The following PARD3B variants were observed in gnomAD, a reference collection of about 807,000 sequenced individuals.
PARD3B encodes par-3 family cell polarity regulator beta.
In PARD3B, 103 loss-of-function variants were observed where a neutral mutation model predicts 130.2. The ratio of observed to expected loss-of-function variants is 0.79; its 90% CI spans 0.67 to 0.93. The LOEUF is 0.93. PARD3B is among the 40% of genes least tolerant of loss of function. The pLI is 0.00. For missense variants in PARD3B, 1,609 were observed against 1,499.2 expected, an observed-to-expected ratio of 1.07 and a Z score of -1.21; for synonymous variants, 583 against 553.2, an observed-to-expected ratio of 1.05 and a Z score of -0.76.
chr2:205,113,621 C>G, intron 6 of PARD3B, 44 bp downstream of exon 6: 1 of 1,177,124 alleles, frequency 8.5e-7, no homozygotes, highest in Non-Finnish European at 1.2e-6. Context: ...TAATGAAAAC[C>G]CTGATTTGAG....
At chr2:205,189,940 G>A (rs550216472) in intron 14 of PARD3B, among the ~76,000 whole-genome samples, 2 of 152,294 alleles carry the variant, frequency 1.3e-5, no homozygotes, top group South Asian at 4.1e-4. Context: ...ACATATATGT[G>A]TATGTATATA....
At chr2:204,875,165 A>G (rs1393341083) in intron 2 of PARD3B, among the ~76,000 whole-genome samples, 1 of 152,196 alleles carries the variant, frequency 6.6e-6, no homozygotes, top group Non-Finnish European at 1.5e-5. Context: ...TTTCTGGTAT[A>G]TTTACAGAGT....
chr2:205,117,515 C>G (rs1016753903), intron 6 of PARD3B, among the ~76,000 whole-genome samples: 42 of 152,322 alleles, frequency 2.8e-4, no homozygotes, highest in African/African-American at 9.6e-4. Flanking sequence ...CCACTCCAAA[C>G]AGGAGGACTA....
chr2:205,185,274 G>T (rs933353692), intron 13 of PARD3B, among the ~76,000 whole-genome samples: 3 of 152,050 alleles, frequency 2.0e-5, no homozygotes, highest in Admixed American at 6.5e-5. Flanking sequence ...GTGTGTGTGT[G>T]TGTGTGTGTT....
At chr2:205,600,565 C>T (rs897739371) in intron 22 of PARD3B, among the ~76,000 whole-genome samples, 1 of 152,162 alleles carries the variant, frequency 6.6e-6, no homozygotes, top group Non-Finnish European at 1.5e-5. Flanking sequence ...CACAGGTAAA[C>T]GTGTGCTATG....
At chr2:205,464,685 G>A (rs2048562894) in intron 20 of PARD3B, among the ~76,000 whole-genome samples, 1 of 152,144 alleles carries the variant, frequency 6.6e-6, no homozygotes, top group African/African-American at 2.4e-5. Flanking sequence ...AAATATGGTA[G>A]TTCATTCAGT....
At chr2:205,308,873 C>T (rs913986974) in intron 18 of PARD3B, among the ~76,000 whole-genome samples, 9 of 152,088 alleles carry the variant, frequency 5.9e-5, no homozygotes, top group Non-Finnish European at 1.3e-4. Flanking sequence ...ATAATTGATA[C>T]GATTCCAAAT....
At chr2:205,170,768 G>C (rs531685306) in intron 11 of PARD3B, among the ~76,000 whole-genome samples, 1 of 150,998 alleles carries the variant, frequency 6.6e-6, no homozygotes, top group Admixed American at 6.6e-5. Flanking sequence ...GTGTGTGTCT[G>C]GCTATCTCAT....
At chr2:204,599,220 A>C (rs2033414865) in intron 1 of PARD3B, among the ~76,000 whole-genome samples, 1 of 152,026 alleles carries the variant, frequency 6.6e-6, no homozygotes, top group South Asian at 2.1e-4. Context: ...TTTTCTAGCT[A>C]TTTGAAAATA....
At chr2:204,819,960 A>G (rs551113279) in intron 2 of PARD3B, among the ~76,000 whole-genome samples, 1 of 152,234 alleles carries the variant, frequency 6.6e-6, no homozygotes, top group South Asian at 2.1e-4. Flanking sequence ...GGCCATCTCC[A>G]TAACATCACA....
intron 21 of PARD3B, among the ~76,000 whole-genome samples, chr2:205,514,883 T>TA (rs2050732546): frequency 6.6e-6 from 1 of 151,226 alleles, no homozygotes; most frequent in South Asian, 2.1e-4. Flanking sequence ...GAAGGTTTGT[T>TA]ACATAGGTAA....
At chr2:205,270,504 T>G (rs1211921209) in intron 16 of PARD3B, among the ~76,000 whole-genome samples, 13 of 151,290 alleles carry the variant, frequency 8.6e-5, no homozygotes, top group Non-Finnish European at 1.8e-4. Flanking sequence ...GAGGCGGAGG[T>G]TGCAGTGAGC....
intron 4 of PARD3B, among the ~76,000 whole-genome samples, chr2:205,093,092 C>G (rs934075784): frequency 6.6e-6 from 1 of 152,044 alleles, no homozygotes; most frequent in African/African-American, 2.4e-5. Flanking sequence ...CTGGCAACTT[C>G]GAATGCAGAG....
At chr2:204,755,573 T>G (rs1414762694) in intron 2 of PARD3B, among the ~76,000 whole-genome samples, 2 of 152,270 alleles carry the variant, frequency 1.3e-5, no homozygotes, top group Admixed American at 6.5e-5. Flanking sequence ...GCCATCAATG[T>G]GTAAGTACAG....
At chr2:204,598,651 A>T (rs2125102758) in intron 1 of PARD3B, among the ~76,000 whole-genome samples, 1 of 152,234 alleles carries the variant, frequency 6.6e-6, no homozygotes, top group South Asian at 2.1e-4. Flanking sequence ...GTACAATATT[A>T]TATTGCATGC....
intron 19 of PARD3B, among the ~76,000 whole-genome samples, chr2:205,424,796 T>A (rs2047088320): frequency 6.6e-6 from 1 of 152,190 alleles, no homozygotes; most frequent in Admixed American, 6.5e-5. Flanking sequence ...GCCTGTCGTT[T>A]AGTTTTCAGG....
rs551872812 is a variant in PARD3B at position 205,368,489 on chromosome 2, G to A, written c.2631-32524G>A. ...CTCTACTAAAAATACAAAATTAGCC[G>A]TGCGTGATGGTGCACACCTGTAATC... On this transcript the variant is annotated intron_variant, in intron 18 of 22. Coordinates refer to ENST00000406610, the MANE Select transcript of PARD3B (RefSeq NM_001302769.2). 3.9e-5 allele frequency among the ~76,000 whole-genome samples: 6 copies of A among 151,992 alleles called. No homozygotes were observed. In the South Asian group the frequency reaches 6.2e-4, roughly 16 times the overall value.
intron 18 of PARD3B, among the ~76,000 whole-genome samples, chr2:205,313,119 G>A (rs1345847398): frequency 6.6e-6 from 1 of 152,098 alleles, no homozygotes; most frequent in East Asian, 1.9e-4. Flanking sequence ...TAAAATGATG[G>A]CGATAGATGC....
chr2:205,020,647 G>A (rs1326110203), intron 3 of PARD3B, among the ~76,000 whole-genome samples: 1 of 152,082 alleles, frequency 6.6e-6, no homozygotes, highest in Non-Finnish European at 1.5e-5. Flanking sequence ...TGTTCAATCT[G>A]TGCTTGTTAC....
Sources: gnomAD v4.1 joint callset for allele counts (sites outside exome capture counted in the v4.1 genomes callset) on GRCh38, gnomAD v4.1.1 for gene constraint, MANE v1.5 for transcripts, NCBI Gene and HGNC (gene_info 2026-07-23, HGNC 2026-07-21) for gene names.